Variants in THSD7B observed in about 807,000 individuals in gnomAD.
The protein encoded by THSD7B is thrombospondin type-1 domain-containing protein 7B.
In THSD7B, 138 loss-of-function variants were observed where a neutral mutation model predicts 213.6. The observed-to-expected ratio is 0.65, with a 90% CI of 0.56 to 0.74. The LOEUF is 0.74. Ranked by LOEUF, THSD7B falls within the 30% of genes least tolerant of loss-of-function variation. The pLI is 0.00. For synonymous variants in THSD7B, 742 were observed against 687.0 expected (o/e 1.08, Z -1.25); for missense variants, 1,931 against 1,991.5 (o/e 0.97, Z 0.58).
chr2:137,113,770 A>T (rs1213909812), intron 4 of THSD7B, among the ~76,000 whole-genome samples: 1 of 152,126 alleles, frequency 6.6e-6, no homozygotes, highest in East Asian at 1.9e-4. Flanking sequence ...CACCTAGGAT[A>T]GGAAGGACCT....
intron 12 of THSD7B, among the ~76,000 whole-genome samples, chr2:137,372,323 CTTTTT>C (rs55635315): frequency 5.2e-5 from 3 of 57,510 alleles, no homozygotes; most frequent in Admixed American, 3.0e-4. Context: ...TGATAATACT[CTTTTT>C]TTTTTTTTTT....
rs115359604 is a variant in THSD7B at position 137,152,080 on chromosome 2, C to T, written c.1370-8133C>T. On this transcript the variant is annotated intron_variant, in intron 5 of 27. Coordinates refer to ENST00000409968, the MANE Select transcript of THSD7B (RefSeq NM_001316349.2). ...GAAGAGGAGGGGTGCTTATAGTGAA[C>T]TCTTTAAATGTTTTTAGGAATGGTC... Among the ~76,000 whole-genome samples the T allele has an allele frequency of 2.1e-3, 312 of 148,662 alleles. 3 individuals are homozygous for T. Among genetic ancestry groups the T allele is most frequent in the African/African-American group, 7.3e-3 (293 of 40,300 alleles).
intron 15 of THSD7B, among the ~76,000 whole-genome samples, chr2:137,474,258 G>A (rs576779945): frequency 5.5e-4 from 84 of 152,222 alleles, no homozygotes; most frequent in African/African-American, 1.8e-3. Flanking sequence ...TACTTTATGT[G>A]CCATTAATCA....
chr2:136,842,011 T>G (rs373924880), intron 1 of THSD7B, among the ~76,000 whole-genome samples: 30 of 152,226 alleles, frequency 2.0e-4, no homozygotes, highest in African/African-American at 7.0e-4. Context: ...TGCAAGCAGA[T>G]GTGTATGGAA....
chr2:137,046,074 A>G (rs1487715523), intron 2 of THSD7B, among the ~76,000 whole-genome samples: 1 of 152,004 alleles, frequency 6.6e-6, no homozygotes, highest in Non-Finnish European at 1.5e-5. Flanking sequence ...TAGTGTTGAC[A>G]TTGCACCTAA....
At chr2:137,615,898 G>C in intron 17 of THSD7B, among the ~76,000 whole-genome samples, 1 of 152,054 alleles carries the variant, frequency 6.6e-6, no homozygotes. Context: ...TACAGTGTGA[G>C]TTTAAATGAT....
At chr2:137,662,810 T>G (rs2104823140) in intron 25 of THSD7B, among the ~76,000 whole-genome samples, 1 of 152,146 alleles carries the variant, frequency 6.6e-6, no homozygotes, top group South Asian at 2.1e-4. Flanking sequence ...ATCCCAGCAC[T>G]TTGGGAAGCC....
chr2:137,046,913 A>C (rs1430328663), intron 2 of THSD7B, among the ~76,000 whole-genome samples: 2 of 152,106 alleles, frequency 1.3e-5, no homozygotes, highest in African/African-American at 2.4e-5. Flanking sequence ...TCAAGCAGGC[A>C]CTTGTATGTT....
chr2:137,066,158 T>C (rs1249473142), intron 3 of THSD7B, among the ~76,000 whole-genome samples: 1 of 151,508 alleles, frequency 6.6e-6, no homozygotes, highest in African/African-American at 2.4e-5. Context: ...ATAATTTCAT[T>C]GGATGTAGAA....
At chr2:136,866,814 G>A (rs931193182) in intron 1 of THSD7B, among the ~76,000 whole-genome samples, 2 of 152,188 alleles carry the variant, frequency 1.3e-5, no homozygotes, top group South Asian at 4.1e-4. Flanking sequence ...ATGTTGATGG[G>A]ATGAATAGAA....
intron 14 of THSD7B, among the ~76,000 whole-genome samples, chr2:137,416,637 T>C (rs908469478): frequency 1.3e-5 from 2 of 152,218 alleles, no homozygotes; most frequent in Admixed American, 6.5e-5. Flanking sequence ...AAGGATAGTT[T>C]AGATAAGAGT....
At chr2:136,916,894 G>T (rs1362459195) in intron 2 of THSD7B, among the ~76,000 whole-genome samples, 2 of 152,048 alleles carry the variant, frequency 1.3e-5, no homozygotes, top group Admixed American at 6.6e-5. Flanking sequence ...CTTTAGTCTT[G>T]GCATTGAACT....
At chr2:136,968,284 T>A (rs1391267854) in intron 2 of THSD7B, among the ~76,000 whole-genome samples, 1 of 152,196 alleles carries the variant, frequency 6.6e-6, no homozygotes, top group Admixed American at 6.5e-5. Context: ...TCAGGCTTTT[T>A]AAATTTTTTA....
At chr2:137,084,482 G>A (rs1368552687) in intron 3 of THSD7B, among the ~76,000 whole-genome samples, 1 of 152,148 alleles carries the variant, frequency 6.6e-6, no homozygotes, top group African/African-American at 2.4e-5. Context: ...ATGTATTTAT[G>A]ACATTTTACC....
intron 15 of THSD7B, among the ~76,000 whole-genome samples, chr2:137,559,445 CAAA>C (rs1681059424): frequency 6.6e-6 from 1 of 152,034 alleles, no homozygotes; most frequent in Non-Finnish European, 1.5e-5. Flanking sequence ...ACAAACCTGA[CAAA>C]AACAAGAAAT....
chr2:137,082,618 A>T (rs1273404871), intron 3 of THSD7B, among the ~76,000 whole-genome samples: 1 of 152,122 alleles, frequency 6.6e-6, no homozygotes, highest in African/African-American at 2.4e-5. Context: ...CCATGCAGCC[A>T]TTAGGAAATT....
At chr2:136,875,676 G>T (rs1683516556) in intron 1 of THSD7B, among the ~76,000 whole-genome samples, 1 of 152,118 alleles carries the variant, frequency 6.6e-6, no homozygotes, top group Admixed American at 6.5e-5. Flanking sequence ...CGGATCTTCT[G>T]CTGTTGGGTC....
chr2:137,421,338 C>T (rs1004509017), intron 14 of THSD7B, among the ~76,000 whole-genome samples: 1 of 152,176 alleles, frequency 6.6e-6, no homozygotes, highest in Admixed American at 6.5e-5. Flanking sequence ...GCCTCCCATA[C>T]CTCCAGGCAC....
chr2:137,346,262 G>T (rs1339260876), intron 12 of THSD7B, among the ~76,000 whole-genome samples: 2 of 151,378 alleles, frequency 1.3e-5, no homozygotes, highest in African/African-American at 4.8e-5. Context: ...CTCTTCCCTA[G>T]TCCATCATTT....
Sources: allele counts gnomAD v4.1 joint callset (sites outside exome capture counted in the v4.1 genomes callset), GRCh38; gene constraint gnomAD v4.1.1; transcripts MANE v1.5; gene names NCBI Gene and HGNC (gene_info 2026-07-23, HGNC 2026-07-21).